SPIRE2: variants seen among roughly 807,000 people sequenced by gnomAD.
SPIRE2 encodes spire type actin nucleation factor 2.
In SPIRE2, 76 loss-of-function variants were observed where a neutral mutation model predicts 80.7. That is an observed-to-expected ratio of 0.94 (90% CI 0.78 to 1.14). The LOEUF (loss-of-function observed/expected upper bound fraction) is 1.14. SPIRE2 is among the 50% of genes most tolerant of loss of function. SPIRE2 has a pLI of 0.00. For synonymous variants in SPIRE2, 535 were observed against 432.6 expected, an observed-to-expected ratio of 1.24 and a Z score of -2.94; for missense variants, 1,196 against 1,015.3, an observed-to-expected ratio of 1.18 and a Z score of -2.42.
At chr16:89,851,127 T>C (rs930619452) in intron 3 of SPIRE2, among the ~76,000 whole-genome samples, 3 of 152,174 alleles carry the variant, frequency 2.0e-5, no homozygotes, top group Non-Finnish European at 4.4e-5. Flanking sequence ...GGCCTCACAC[T>C]TTCTTCTTAC....
At chr16:89,842,272 G>A (rs2041514120) in intron 1 of SPIRE2, among the ~76,000 whole-genome samples, 1 of 136,676 alleles carries the variant, frequency 7.3e-6, no homozygotes, top group Admixed American at 8.1e-5. Flanking sequence ...GAGTGCAGTG[G>A]CACCATCTTG....
chr16:89,841,499 G>A (rs2041505418), intron 1 of SPIRE2, among the ~76,000 whole-genome samples: 2 of 152,164 alleles, frequency 1.3e-5, no homozygotes, highest in Non-Finnish European at 2.9e-5. Context: ...TGGTAGCTCT[G>A]TATGCACTTA....
intron 1 of SPIRE2, among the ~76,000 whole-genome samples, chr16:89,842,631 TGTGGG>T (rs574743805): frequency 2.2e-3 from 331 of 152,380 alleles, no homozygotes; most frequent in African/African-American, 6.9e-3. Flanking sequence ...CCTCGCCTGA[TGTGGG>T]CTTAGTCTGT....
At chr16:89,869,439 G>C in intron 13 of SPIRE2, 128 bp from the exon 14 acceptor site, 1 of 658,120 alleles carries the variant, frequency 1.5e-6, no homozygotes, top group Non-Finnish European at 2.7e-6. Flanking sequence ...CACAGGGACA[G>C]AGAATATTCT....
chr16:89,845,213 G>A (rs1207787818), intron 1 of SPIRE2, 109 bp from the exon 2 acceptor site: 14 of 984,620 alleles, frequency 1.4e-5, no homozygotes, highest in East Asian at 7.2e-5. Context: ...GTGTTCCGGC[G>A]GAGAGTGGGG....
In SPIRE2 at chr16:89,863,518, G is replaced by A; in HGVS notation, c.1618G>A (p.Glu540Lys). 2 of 1,614,124 alleles carry A rather than the reference G, an allele frequency of 1.2e-6. No homozygotes were observed. The highest frequency in any genetic ancestry group is 1.7e-6 in the Non-Finnish European group (2 of 1,180,036). Residue 540 changes from glutamate (E) to lysine (K), a missense_variant, in exon 11 of 15, where the codon GAG becomes AAG. By Grantham distance (56) the Glu-to-Lys change is moderately conservative. Coordinates refer to ENST00000378247, the MANE Select transcript of SPIRE2 (RefSeq NM_032451.2). This position sits in a 1 kb window ranked among gnomAD's most constrained non-coding sequence, Gnocchi z 4.3. ...GGAGAGCCTGGCGCTGACTGTGGAA[G>A]AGGTGATGGACGTGCGCCGTGTGCT... ...PVESLALTVE[E>K]VMDVRRVLVK...
At chr16:89,832,741 C>G (rs1300736187) in intron 1 of SPIRE2, among the ~76,000 whole-genome samples, 2 of 152,162 alleles carry the variant, frequency 1.3e-5, no homozygotes, top group African/African-American at 4.8e-5. Context: ...GCTTCAGCAT[C>G]CAGGGGCGTT....
At chr16:89,855,416 C>T (rs146682344) in intron 5 of SPIRE2, among the ~76,000 whole-genome samples, 184 bp from the exon 6 acceptor site, 6 of 152,244 alleles carry the variant, frequency 3.9e-5, no homozygotes, top group Non-Finnish European at 7.4e-5. Flanking sequence ...TGTGGCCGCC[C>T]AGAGCATGGC....
chr16:89,850,546 G>GCGGCTGAC lies in SPIRE2; in HGVS notation c.534_541dup (p.Asp181GlyfsTer2). On this transcript the variant is annotated frameshift_variant, in exon 3 of 15. Coordinates refer to ENST00000378247, the MANE Select transcript of SPIRE2 (RefSeq NM_032451.2). LOFTEE classifies it high-confidence loss of function. ...CCCAGGCCATGCGGCTGTGCGCGGC[G>GCGGCTGAC]CGGCTGACCGACCCCCGGGGCGCAC... 6.6e-7 allele frequency: 1 copy of GCGGCTGAC among 1,512,348 alleles called. No individual in the cohort carries two copies. The highest frequency in any genetic ancestry group is 8.8e-7 in the Non-Finnish European group (1 of 1,135,084). 93.7% of individuals were successfully genotyped at this position (1,512,348 alleles called of 1,614,324 possible). A position where few individuals can be genotyped will look rare whatever the true frequency, so the allele number is the denominator to read the frequency against.
chr16:89,867,443 G>A (rs35360258), intron 12 of SPIRE2, among the ~76,000 whole-genome samples: 21,858 of 151,014 alleles, frequency 0.14, 2,014 homozygotes, highest in Non-Finnish European at 0.2. Flanking sequence ...GCGCCTGGCC[G>A]ACAGTGTGCA....
intron 2 of SPIRE2, chr16:89,845,859 A>T: frequency 1.9e-6 from 1 of 521,288 alleles, no homozygotes; most frequent in Non-Finnish European, 3.4e-6. Context: ...CTGCCTTTTT[A>T]GTTTTCTTTC....
chr16:89,848,634 T>C (rs376443584), intron 2 of SPIRE2, among the ~76,000 whole-genome samples: 503 of 72,940 alleles, frequency 6.9e-3, no homozygotes, highest in East Asian at 0.013. Context: ...GCAGGACAGA[T>C]GAGGCAGGTT....
intron 13 of SPIRE2, among the ~76,000 whole-genome samples, chr16:89,869,072 A>ATATATATG (rs67559135): frequency 0.01 from 660 of 65,810 alleles, 57 homozygotes; most frequent in African/African-American, 0.025. Context: ...ATATATATAT[A>ATATATATG]TATGTTACCC....
At chr16:89,864,415 G>A (rs895481009) in intron 12 of SPIRE2, among the ~76,000 whole-genome samples, 6 of 152,202 alleles carry the variant, frequency 3.9e-5, no homozygotes, top group African/African-American at 1.4e-4. Flanking sequence ...GAGATTGGCA[G>A]ACTATAGCCA....
Position 89,851,203 on chromosome 16 carries a change from T to C in SPIRE2, c.645+543T>C, listed in dbSNP as rs1021757351. On this transcript the variant is annotated intron_variant, in intron 3 of 14. Transcript: ENST00000378247. ...CTCTCTCCCGTTGCCTGAGTTGTTATCCTCTCCCAGCGCGCATTATTCTCT... is the reference window on the plus strand; with the variant it reads ...CTCTCTCCCGTTGCCTGAGTTGTTACCCTCTCCCAGCGCGCATTATTCTCT... Among the ~76,000 whole-genome samples, 8 of 152,170 alleles carry C rather than the reference T, an allele frequency of 5.3e-5. No individual in the cohort carries two copies. The South Asian group carries it at 8.3e-4, about 16-fold the overall frequency.
intron 12 of SPIRE2, 129 bp from the exon 13 acceptor site, chr16:89,868,060 G>A (rs2041805286): frequency 2.0e-6 from 2 of 1,001,650 alleles, no homozygotes; most frequent in Non-Finnish European, 3.2e-6. Context: ...AAGTACTGAA[G>A]TAACCAAGCA....
At chr16:89,867,663 C>A (rs1193062930) in intron 12 of SPIRE2, among the ~76,000 whole-genome samples, 1 of 151,450 alleles carries the variant, frequency 6.6e-6, no homozygotes, top group Non-Finnish European at 1.5e-5. Context: ...CAGCTCACTG[C>A]AACCTCCACT....
rs74033889 is a variant in SPIRE2 at position 89,829,925 on chromosome 16, T to G, written c.244+1131T>G. ...AGGGTGGGGTGAGACGGCAGGTGCA[T>G]GGGGCCCAGGAGGCTGCATGCTCAC... On this transcript the variant is annotated intron_variant, in intron 1 of 14. Coordinates refer to ENST00000378247, the MANE Select transcript of SPIRE2 (RefSeq NM_032451.2). Among the ~76,000 whole-genome samples, 998 of 151,230 alleles carry G rather than the reference T, an allele frequency of 6.6e-3. 17 individuals carry two copies. Among genetic ancestry groups the G allele is most frequent in the African/African-American group, 0.023 (946 of 41,416 alleles).
intron 12 of SPIRE2, among the ~76,000 whole-genome samples, chr16:89,866,599 ATTTTTTT>A (rs11291938): frequency 6.7e-6 from 1 of 148,804 alleles, no homozygotes; most frequent in African/African-American, 2.5e-5. Context: ...CCAGCCTTGA[ATTTTTTT>A]TTTTTTCTTT....
Sources: gnomAD v4.1 joint callset for allele counts (sites outside exome capture counted in the v4.1 genomes callset) on GRCh38, gnomAD v4.1.1 for gene constraint, Gnocchi (gnomAD v3.1) non-coding constraint, MANE v1.5 for transcripts, NCBI Gene and HGNC (gene_info 2026-07-23, HGNC 2026-07-21) for gene names.